SMCHD1: variants seen among roughly 807,000 people sequenced by gnomAD.
The protein encoded by SMCHD1 is structural maintenance of chromosomes flexible hinge domain containing 1, also known as structural maintenance of chromosomes flexible hinge domain-containing protein 1.
In SMCHD1, 78 loss-of-function variants were observed where a neutral mutation model predicts 254.7. That is an observed-to-expected ratio of 0.31 (90% CI 0.26 to 0.37). The LOEUF (loss-of-function observed/expected upper bound fraction) is 0.37. Ranked by LOEUF, SMCHD1 falls within the 10% of genes least tolerant of loss-of-function variation. The pLI is 1.00. For synonymous variants in SMCHD1, 766 were observed against 794.9 expected (o/e 0.96, Z 0.61); for missense variants, 1,840 against 2,408.1 (o/e 0.76, Z 4.94).
intron 7 of SMCHD1, among the ~76,000 whole-genome samples, chr18:2,692,354 G>C (rs1057375406): frequency 6.6e-6 from 1 of 152,146 alleles, no homozygotes; most frequent in Non-Finnish European, 1.5e-5. Flanking sequence ...TTCAAGACCA[G>C]CTGGGCAACA....
chr18:2,707,438 TTCCA>T, intron 15 of SMCHD1, 121 bp from the exon 16 acceptor site: 1 of 514,106 alleles, frequency 1.9e-6, no homozygotes, highest in East Asian at 3.5e-5. Flanking sequence ...TCGTAAAGAA[TTCCA>T]GATTTAACCT....
intron 45 of SMCHD1, among the ~76,000 whole-genome samples, chr18:2,790,839 G>C (rs1478125454): frequency 6.6e-6 from 1 of 151,774 alleles, no homozygotes; most frequent in Non-Finnish European, 1.5e-5. Context: ...TTAAGATGAG[G>C]GATATCCCAA....
intron 9 of SMCHD1, 70 bp downstream of exon 9, chr18:2,697,192 A>T: frequency 1.4e-6 from 1 of 729,150 alleles, no homozygotes; most frequent in Non-Finnish European, 2.1e-6. Context: ...ATGACTCAGG[A>T]TAATAAAAAA....
chr18:2,791,613 A>G (rs2076168015), intron 45 of SMCHD1, among the ~76,000 whole-genome samples: 1 of 152,214 alleles, frequency 6.6e-6, no homozygotes, highest in Non-Finnish European at 1.5e-5. Flanking sequence ...ATGAAGCAGT[A>G]AAGAATGGTG....
intron 44 of SMCHD1, among the ~76,000 whole-genome samples, chr18:2,780,242 A>C (rs1326253338): frequency 5.3e-3 from 97 of 18,410 alleles, no homozygotes; most frequent in Non-Finnish European, 8.6e-3. Context: ...TCTATCTAAA[A>C]AAAAAAAAAA....
intron 27 of SMCHD1, among the ~76,000 whole-genome samples, chr18:2,740,377 TATAAC>T (rs1598390701): frequency 6.6e-6 from 1 of 152,178 alleles, no homozygotes; most frequent in South Asian, 2.1e-4. Flanking sequence ...AACATAAAAG[TATAAC>T]ATACATGTAT....
rs1444867584 is a variant in SMCHD1 at position 2,789,926 on chromosome 18, G to A, written c.5719+5305G>A. ...AGGCTGGGCGTGGTGGCTCACGCCTGTAATCCCAACACTTTGGGAGGCCGA... is the reference window on the plus strand; with the variant it reads ...AGGCTGGGCGTGGTGGCTCACGCCTATAATCCCAACACTTTGGGAGGCCGA... On this transcript the variant is annotated intron_variant, in intron 45 of 47. Transcript: ENST00000320876. 3.9e-5 allele frequency among the ~76,000 whole-genome samples: 6 copies of A among 152,232 alleles called. 1 individual carries two copies. In the East Asian group the frequency reaches 1.2e-3, roughly 29 times the overall value.
At chr18:2,691,849 G>A (rs959978169) in intron 7 of SMCHD1, 1 of 152,226 alleles carries the variant, frequency 6.6e-6, no homozygotes, top group African/African-American at 2.4e-5. Context: ...TCCACGAGTT[G>A]GAATGATCTC....
At chr18:2,770,590 G>C (rs2075959459) in intron 39 of SMCHD1, among the ~76,000 whole-genome samples, 1 of 151,944 alleles carries the variant, frequency 6.6e-6, no homozygotes, top group Non-Finnish European at 1.5e-5. Flanking sequence ...TTCACAGAAA[G>C]TTTGCTGCAG....
In SMCHD1 at chr18:2,707,908, G is replaced by A; in HGVS notation, c.2248G>A (p.Val750Ile). 2 of 1,591,620 alleles carry A rather than the reference G, an allele frequency of 1.3e-6. No homozygotes were observed. Among genetic ancestry groups the A allele is most frequent in the Non-Finnish European group, 8.6e-7 (1 of 1,168,518 alleles). ...AAAGAAACTCCTGGTTGAGCTCAAA[G>A]TTATTTTACATTGTAAGTATACAAA... ...GSKKLLVELK[V>I]ILHSSSGNKE... is the part of the protein sequence containing the mutation. Residue 750 changes from valine (V) to isoleucine (I), a missense_variant, in exon 17 of 48, where the codon GTT becomes ATT. Val to Ile is a conservative substitution (Grantham distance 29). This residue lies in a region of SMCHD1 where 498 missense variants were observed against 743.5 expected (regional missense o/e 0.67). Coordinates refer to ENST00000320876, the MANE Select transcript of SMCHD1 (RefSeq NM_015295.3).
At chr18:2,744,442 G>GT (rs569925342) in intron 29 of SMCHD1, among the ~76,000 whole-genome samples, 32 of 150,484 alleles carry the variant, frequency 2.1e-4, no homozygotes, top group Non-Finnish European at 3.7e-4. Flanking sequence ...TTTTACTGAA[G>GT]TTTCAGAATT....
chr18:2,744,038 C>T, intron 29 of SMCHD1, 110 bp downstream of exon 29: 2 of 863,904 alleles, frequency 2.3e-6, no homozygotes, highest in Non-Finnish European at 3.4e-6. Flanking sequence ...TAACAACTAA[C>T]AGTTGTTAAC....
intron 41 of SMCHD1, among the ~76,000 whole-genome samples, chr18:2,774,702 T>C (rs1253780928): frequency 1.3e-5 from 2 of 152,156 alleles, no homozygotes; most frequent in African/African-American, 2.4e-5. Flanking sequence ...TGGGTCACCA[T>C]GTCCAGCCTG....
intron 5 of SMCHD1, among the ~76,000 whole-genome samples, chr18:2,679,203 G>A (rs1257180026): frequency 1.3e-5 from 2 of 148,514 alleles, no homozygotes; most frequent in African/African-American, 2.5e-5. Flanking sequence ...GGTTGGGCCG[G>A]GCGCAGTGGC....
At chr18:2,721,491 T>G (rs2074926751) in intron 19 of SMCHD1, among the ~76,000 whole-genome samples, 1 of 152,174 alleles carries the variant, frequency 6.6e-6, no homozygotes, top group Non-Finnish European at 1.5e-5. Context: ...TTAAGCAGTT[T>G]CCTGTTGATG....
chr18:2,733,134 C>G (rs76480042), intron 25 of SMCHD1, among the ~76,000 whole-genome samples: 1 of 152,170 alleles, frequency 6.6e-6, no homozygotes, highest in African/African-American at 2.4e-5. Flanking sequence ...TGATGGTTGA[C>G]TGAAAGAATA....
At chr18:2,662,385 C>T (rs1057419704) in intron 1 of SMCHD1, among the ~76,000 whole-genome samples, 5 of 151,728 alleles carry the variant, frequency 3.3e-5, no homozygotes, top group Admixed American at 1.3e-4. Flanking sequence ...GTGGCTCACG[C>T]CTCTAATCCC....
intron 10 of SMCHD1, among the ~76,000 whole-genome samples, 180 bp downstream of exon 10, chr18:2,698,221 T>G (rs1363428775): frequency 6.6e-6 from 1 of 152,228 alleles, no homozygotes; most frequent in African/African-American, 2.4e-5. Flanking sequence ...TTGTGTACAT[T>G]CATTTCTAGA....
At chr18:2,685,888 C>A (rs997493596) in intron 5 of SMCHD1, among the ~76,000 whole-genome samples, 2 of 152,174 alleles carry the variant, frequency 1.3e-5, no homozygotes, top group Non-Finnish European at 2.9e-5. Context: ...CAAGTTGTTT[C>A]TACCTTTTGT....
Sources: gnomAD v4.1 joint callset for allele counts (sites outside exome capture counted in the v4.1 genomes callset) on GRCh38, gnomAD v4.1.1 for gene constraint, gnomAD v4.1.1 regional missense constraint, MANE v1.5 for transcripts, NCBI Gene and HGNC (gene_info 2026-07-23, HGNC 2026-07-21) for gene names.